The following HIVEP1 variants were observed in gnomAD, a reference collection of about 807,000 sequenced individuals.
The protein encoded by HIVEP1 is HIVEP zinc finger 1.
HIVEP1 carries 36 observed loss-of-function variants against 180.0 expected under a neutral mutation model. The ratio of observed to expected loss-of-function variants is 0.20; its 90% CI spans 0.15 to 0.26. The LOEUF is 0.26. Ranked by LOEUF, HIVEP1 falls within the 10% of genes least tolerant of loss-of-function variation. The pLI is 1.00. For synonymous variants in HIVEP1, 1,239 were observed against 1,239.0 expected, an observed-to-expected ratio of 1.00 and a Z score of 0.00; for missense variants, 3,143 against 3,268.7, an observed-to-expected ratio of 0.96 and a Z score of 0.94.
intron 2 of HIVEP1, among the ~76,000 whole-genome samples, chr6:12,046,775 C>T (rs1270073844): frequency 7.1e-6 from 1 of 141,318 alleles, no homozygotes; most frequent in Non-Finnish European, 1.5e-5. Context: ...GAGACTCTGT[C>T]TCAAAATTAA....
At chr6:12,114,164 G>C (rs1775078744) in intron 3 of HIVEP1, among the ~76,000 whole-genome samples, 1 of 152,008 alleles carries the variant, frequency 6.6e-6, no homozygotes, top group Non-Finnish European at 1.5e-5. Flanking sequence ...GTATTTGCGG[G>C]CCCTGCGCGT....
intron 7 of HIVEP1, among the ~76,000 whole-genome samples, chr6:12,152,905 A>T (rs1228988114): frequency 6.6e-6 from 1 of 152,246 alleles, no homozygotes; most frequent in Non-Finnish European, 1.5e-5. Context: ...ATTAAAATGG[A>T]GCCAAATAGT....
intron 2 of HIVEP1, among the ~76,000 whole-genome samples, chr6:12,057,460 A>T (rs1735107296): frequency 6.6e-6 from 1 of 152,230 alleles, no homozygotes; most frequent in Admixed American, 6.5e-5. Flanking sequence ...GTAGTTTTGC[A>T]TGTGAGTATA....
chr6:12,095,512 T>A (rs577439499), intron 3 of HIVEP1, among the ~76,000 whole-genome samples: 1 of 137,356 alleles, frequency 7.3e-6, no homozygotes, highest in Non-Finnish European at 1.6e-5. Context: ...TTTCTCCACA[T>A]GGATGGGGAT....
chr6:12,058,626 G>C (rs989630212), intron 2 of HIVEP1, among the ~76,000 whole-genome samples: 11 of 152,196 alleles, frequency 7.2e-5, no homozygotes, highest in African/African-American at 2.4e-5. Flanking sequence ...CTTTGGGGTA[G>C]TAAGTTCTGG....
chr6:12,135,761 T>G (rs1304450346), intron 6 of HIVEP1, 30 bp from the exon 7 acceptor site: 3 of 1,421,832 alleles, frequency 2.1e-6, no homozygotes, highest in Non-Finnish European at 3.0e-6. Flanking sequence ...TCATACTACT[T>G]AAGCTTAGTA....
At chr6:12,060,389 A>G (rs1771149402) in intron 2 of HIVEP1, among the ~76,000 whole-genome samples, 1 of 152,248 alleles carries the variant, frequency 6.6e-6, no homozygotes, top group South Asian at 2.1e-4. Context: ...CAATTGAATA[A>G]TGAATGATAA....
At chr6:12,146,949 G>A (rs1260709686) in intron 7 of HIVEP1, among the ~76,000 whole-genome samples, 2 of 152,054 alleles carry the variant, frequency 1.3e-5, no homozygotes, top group African/African-American at 2.4e-5. Flanking sequence ...CCAGAAGGAA[G>A]GGAAGGAATT....
chr6:12,205,585 T>C, the HIVEP1 span, among the ~76,000 whole-genome samples: 4 of 152,346 alleles, frequency 2.6e-5, no homozygotes, highest in Admixed American at 2.6e-4. Context: ...CCTCTGTTTC[T>C]TGCTAGTTGT....
the HIVEP1 span, among the ~76,000 whole-genome samples, chr6:12,178,207 G>A: frequency 4.6e-5 from 7 of 152,330 alleles, no homozygotes; most frequent in Admixed American, 3.9e-4. Context: ...TTATGTGTCT[G>A]ACAGAGGATT....
chr6:12,054,027 TC>T (rs1444147281), intron 2 of HIVEP1, among the ~76,000 whole-genome samples: 1 of 152,376 alleles, frequency 6.6e-6, no homozygotes, highest in Admixed American at 6.5e-5. Context: ...CTTCTCCATT[TC>T]AAATAGTCTG....
chr6:12,201,735 A>G, the HIVEP1 span, among the ~76,000 whole-genome samples: 1 of 152,204 alleles, frequency 6.6e-6, no homozygotes, highest in African/African-American at 2.4e-5. Context: ...GTTTTCATTA[A>G]GGGATGCTTG....
downstream of HIVEP1, among the ~76,000 whole-genome samples, chr6:12,167,679 T>TGC (rs1562023773): frequency 3.5e-3 from 94 of 27,214 alleles, 1 homozygote; most frequent in Non-Finnish European, 5.5e-3. Context: ...TATACATATA[T>TGC]GTGTATAATA....
intron 3 of HIVEP1, among the ~76,000 whole-genome samples, chr6:12,095,767 A>G (rs923764521): frequency 1.3e-5 from 2 of 151,962 alleles, no homozygotes; most frequent in Non-Finnish European, 2.9e-5. Flanking sequence ...ACTTAACCCA[A>G]GGGAGTGCAA....
At chr6:12,113,981 T>C (rs1775066133) in intron 3 of HIVEP1, among the ~76,000 whole-genome samples, 1 of 152,250 alleles carries the variant, frequency 6.6e-6, no homozygotes, top group Non-Finnish European at 1.5e-5. Flanking sequence ...ATTTAATTAA[T>C]TTTTCTGTCT....
intron 4 of HIVEP1, among the ~76,000 whole-genome samples, chr6:12,127,489 A>G (rs1758157936): frequency 6.6e-6 from 1 of 152,266 alleles, no homozygotes; most frequent in Non-Finnish European, 1.5e-5. Flanking sequence ...GCTCTCCTTG[A>G]GTACCAAATG....
the HIVEP1 span, among the ~76,000 whole-genome samples, chr6:12,173,851 C>T: frequency 6.6e-6 from 1 of 152,086 alleles, no homozygotes; most frequent in Non-Finnish European, 1.5e-5. Flanking sequence ...CTTTACATTC[C>T]TGGAGATCAG....
In HIVEP1 at chr6:12,123,588, C is replaced by T. The variant is rs780721162; in HGVS notation, c.3793C>T (p.Arg1265Cys). Reference protein sequence around the residue: ...EKSEKFSWPQRSETLSKLPTE... With the variant: ...EKSEKFSWPQCSETLSKLPTE... Reference sequence around the variant, plus strand: ...GTCAGAGAAGTTCAGTTGGCCCCAGCGTAGTGAAACCTTGTCAAAATTGCC... The same window carrying T: ...GTCAGAGAAGTTCAGTTGGCCCCAGTGTAGTGAAACCTTGTCAAAATTGCC... The change falls in exon 4 of 9, where the codon CGT (arginine) becomes TGT (cysteine). Residue 1265 changes from arginine to cysteine, a missense_variant. By Grantham distance (180) the Arg-to-Cys change is radical. Around this residue, in one of 12 missense-constraint regions of HIVEP1, gnomAD observed 1,357 missense variants for 1,260.5 expected, o/e 1.08. Coordinates refer to ENST00000379388, the MANE Select transcript of HIVEP1 (RefSeq NM_002114.4). 10 of 1,613,996 alleles carry T rather than the reference C, an allele frequency of 6.2e-6. No homozygotes were observed. Among genetic ancestry groups the T allele is most frequent in the East Asian group, 2.2e-5 (1 of 44,876 alleles).
At chr6:12,012,602 TGGGGAGGGCGGCGGGGCGGAGG>T (rs1446097427) in intron 1 of HIVEP1, 36 bp downstream of exon 1, 1 of 40,396 alleles carries the variant, frequency 2.5e-5, no homozygotes, top group Non-Finnish European at 4.5e-5. Context: ...GCGCTGCAGC[TGGGGAGGGCGGCGGGGCGGAGG>T]GGGGGGGGGG....
Sources: allele counts gnomAD v4.1 joint callset (sites outside exome capture counted in the v4.1 genomes callset), GRCh38; gene constraint gnomAD v4.1.1; regional missense constraint gnomAD v4.1.1; transcripts MANE v1.5; gene names NCBI Gene and HGNC (gene_info 2026-07-23, HGNC 2026-07-21).